B3GALT1: variants seen among roughly 807,000 people sequenced by gnomAD.
The protein encoded by B3GALT1 is beta-1,3-galactosyltransferase 1, also known as UDP-Gal:betaGlcNAc beta 1,3-galactosyltransferase, polypeptide 1.
A neutral mutation model predicts 23.2 loss-of-function variants in B3GALT1; 10 were observed. The ratio of observed to expected loss-of-function variants is 0.43; its 90% CI spans 0.27 to 0.73. B3GALT1 has a LOEUF of 0.73. Among genes scored for constraint, B3GALT1 ranks in the 30% least tolerant of loss-of-function variants. The probability of loss-of-function intolerance (pLI) is 0.21; values close to 1 mark genes in which losing one functional copy is unlikely to be tolerated. For synonymous variants in B3GALT1, 156 were observed against 141.5 expected, an observed-to-expected ratio of 1.10 and a Z score of -0.73; for missense variants, 299 against 405.4, an observed-to-expected ratio of 0.74 and a Z score of 2.25.
At chr2:167,698,993 G>A (rs766548371) in intron 3 of B3GALT1, among the ~76,000 whole-genome samples, 3 of 152,128 alleles carry the variant, frequency 2.0e-5, no homozygotes, top group East Asian at 1.9e-4. Flanking sequence ...CAAAAATGAC[G>A]AGAGAATAAA....
intron 1 of B3GALT1, among the ~76,000 whole-genome samples, chr2:167,440,310 A>T (rs1337421441): frequency 6.8e-6 from 1 of 146,242 alleles, no homozygotes; most frequent in Non-Finnish European, 1.5e-5. Flanking sequence ...ACCACTGCAC[A>T]CTCCATCCTG....
chr2:167,350,366 A>G (rs1014895461), intron 1 of B3GALT1, among the ~76,000 whole-genome samples: 36 of 152,224 alleles, frequency 2.4e-4, no homozygotes, highest in Non-Finnish European at 2.9e-4. Context: ...TGGATTTCTT[A>G]TAAAATACAA....
At position 167,557,817 on chromosome 2, in the gene B3GALT1, G is replaced by A. The variant is rs184109770; in HGVS notation, c.-410+67540G>A. Among the ~76,000 whole-genome samples the A allele has an allele frequency of 1.9e-3, 285 of 152,296 alleles. 2 individuals are homozygous for A. The highest frequency in any genetic ancestry group is 3.9e-3 in the Admixed American group (59 of 15,304). ...GACTGGAGACCAAGAAGGGTACTTAGCGAAATTGCGTCCTGGGAAAGGAAG... is the reference window on the plus strand; with the variant it reads ...GACTGGAGACCAAGAAGGGTACTTAACGAAATTGCGTCCTGGGAAAGGAAG... On this transcript the variant is annotated intron_variant, in intron 2 of 4. Coordinates refer to ENST00000392690, the MANE Select transcript of B3GALT1 (RefSeq NM_020981.4).
intron 2 of B3GALT1, among the ~76,000 whole-genome samples, chr2:167,523,621 C>T (rs963495887): frequency 5.3e-5 from 8 of 152,094 alleles, no homozygotes; most frequent in African/African-American, 1.9e-4. Context: ...GACGGGGTTT[C>T]ACCACCTTGG....
intron 1 of B3GALT1, among the ~76,000 whole-genome samples, chr2:167,435,507 G>A (rs1264952601): frequency 6.7e-6 from 1 of 148,576 alleles, no homozygotes; most frequent in Non-Finnish European, 1.5e-5. Context: ...TAGGATGCGA[G>A]GAGAAATCAC....
At chr2:167,721,997 A>C (rs930858840) in intron 3 of B3GALT1, among the ~76,000 whole-genome samples, 2 of 152,118 alleles carry the variant, frequency 1.3e-5, no homozygotes, top group Non-Finnish European at 2.9e-5. Context: ...TTTTTCATTT[A>C]TTTTTATTGT....
At chr2:167,555,261 G>T (rs1217458019) in intron 2 of B3GALT1, among the ~76,000 whole-genome samples, 1 of 152,128 alleles carries the variant, frequency 6.6e-6, no homozygotes, top group African/African-American at 2.4e-5. Context: ...TCATGCTTTA[G>T]GAATTTTGCA....
At chr2:167,344,639 T>G (rs2105250520) in intron 1 of B3GALT1, among the ~76,000 whole-genome samples, 1 of 152,308 alleles carries the variant, frequency 6.6e-6, no homozygotes, top group South Asian at 2.1e-4. Flanking sequence ...AAGAAGACTT[T>G]TGTGTCAAGG....
chr2:167,661,395 G>T (rs752164757), intron 3 of B3GALT1, among the ~76,000 whole-genome samples: 17 of 152,012 alleles, frequency 1.1e-4, no homozygotes, highest in Non-Finnish European at 2.2e-4. Flanking sequence ...AAGAAAACCA[G>T]TCTTTAGAGG....
At chr2:167,485,422 G>C (rs912803547) in intron 1 of B3GALT1, among the ~76,000 whole-genome samples, 1 of 152,128 alleles carries the variant, frequency 6.6e-6, no homozygotes, top group African/African-American at 2.4e-5. Context: ...CAACTGGTTT[G>C]CTATCCCAAA....
intron 1 of B3GALT1, among the ~76,000 whole-genome samples, chr2:167,387,180 G>A (rs908360276): frequency 6.6e-6 from 1 of 152,182 alleles, no homozygotes; most frequent in Non-Finnish European, 1.5e-5. Flanking sequence ...GTTGTCATTA[G>A]CATTTTGATC....
At chr2:167,679,962 A>C (rs1290714177) in intron 3 of B3GALT1, among the ~76,000 whole-genome samples, 5 of 152,312 alleles carry the variant, frequency 3.3e-5, no homozygotes, top group Middle Eastern at 3.4e-3. Context: ...TGATAGAATG[A>C]GTTATCTGAT....
intron 1 of B3GALT1, among the ~76,000 whole-genome samples, chr2:167,369,718 C>T (rs1697649294): frequency 6.6e-6 from 1 of 152,040 alleles, no homozygotes; most frequent in Non-Finnish European, 1.5e-5. Context: ...CTTTTAGTTT[C>T]AATACGGCAT....
intron 1 of B3GALT1, among the ~76,000 whole-genome samples, chr2:167,446,120 T>C (rs535042551): frequency 1.3e-4 from 20 of 152,356 alleles, no homozygotes; most frequent in Non-Finnish European, 1.0e-4. Flanking sequence ...CCTTCACTTA[T>C]GAAACTTAGT....
At chr2:167,429,546 A>G (rs1698676853) in intron 1 of B3GALT1, among the ~76,000 whole-genome samples, 1 of 152,186 alleles carries the variant, frequency 6.6e-6, no homozygotes, top group Non-Finnish European at 1.5e-5. Flanking sequence ...CAGAAAGGGT[A>G]AATTATCTCA....
chr2:167,386,805 T>C (rs1030131765), intron 1 of B3GALT1, among the ~76,000 whole-genome samples: 3 of 152,206 alleles, frequency 2.0e-5, no homozygotes, highest in Non-Finnish European at 4.4e-5. Flanking sequence ...TAGCCAATCT[T>C]TCTTCTAATG....
chr2:167,377,930 C>T (rs1397967142), intron 1 of B3GALT1, among the ~76,000 whole-genome samples: 1 of 152,022 alleles, frequency 6.6e-6, no homozygotes, highest in Non-Finnish European at 1.5e-5. Flanking sequence ...GGGCTATATA[C>T]TTATTTGTTT....
chr2:167,827,127 T>C, intron 4 of B3GALT1, among the ~76,000 whole-genome samples: 1 of 152,114 alleles, frequency 6.6e-6, no homozygotes, highest in East Asian at 1.9e-4. Context: ...AGGTCAAGAC[T>C]CAGACACCAG....
intron 3 of B3GALT1, among the ~76,000 whole-genome samples, chr2:167,737,628 C>G (rs1687512898): frequency 6.6e-6 from 1 of 152,224 alleles, no homozygotes; most frequent in Non-Finnish European, 1.5e-5. Context: ...ATGGTCCTGT[C>G]TTCAGACATT....
Sources: gnomAD v4.1 joint callset for allele counts (sites outside exome capture counted in the v4.1 genomes callset) on GRCh38, gnomAD v4.1.1 for gene constraint, MANE v1.5 for transcripts, NCBI Gene and HGNC (gene_info 2026-07-23, HGNC 2026-07-21) for gene names.